Variants in CRACR2A observed in about 807,000 individuals in gnomAD.
CRACR2A encodes the protein EF-hand calcium-binding domain-containing protein 4B.
Under a neutral mutation model 90.5 loss-of-function variants are expected in CRACR2A, and 79 were observed. The observed-to-expected ratio is 0.87, with a 90% CI of 0.73 to 1.05. CRACR2A has a LOEUF of 1.05. Among genes scored for constraint, CRACR2A ranks in the 50% least tolerant of loss-of-function variants. CRACR2A has a pLI of 0.00. For missense variants in CRACR2A, 823 were observed against 897.2 expected, an observed-to-expected ratio of 0.92 and a Z score of 1.06; for synonymous variants, 338 against 356.7, an observed-to-expected ratio of 0.95 and a Z score of 0.59.
At chr12:3,628,707 A>C (rs1158421832) in intron 15 of CRACR2A, among the ~76,000 whole-genome samples, 2 of 152,164 alleles carry the variant, frequency 1.3e-5, no homozygotes, top group African/African-American at 4.8e-5. Flanking sequence ...CCCCACCACC[A>C]CCATAAGTTC....
intron 2 of CRACR2A, among the ~76,000 whole-genome samples, chr12:3,722,979 G>A (rs542334232): frequency 2.0e-5 from 3 of 152,304 alleles, no homozygotes; most frequent in South Asian, 2.1e-4. Flanking sequence ...TGATTGGGCT[G>A]GACAAGATGA....
chr12:3,678,308 T>A (rs1353883426), intron 6 of CRACR2A, among the ~76,000 whole-genome samples: 1 of 152,204 alleles, frequency 6.6e-6, no homozygotes, highest in Non-Finnish European at 1.5e-5. Context: ...TTGTTTGAGA[T>A]CTCAGCCATC....
At chr12:3,739,923 T>G in intron 1 of CRACR2A, among the ~76,000 whole-genome samples, 1 of 100,066 alleles carries the variant, frequency 1.0e-5, no homozygotes, top group African/African-American at 4.0e-5. Context: ...ACAGAGCGAC[T>G]CCGTCTCAAA....
At chr12:3,734,472 A>G (rs536812974) in intron 1 of CRACR2A, among the ~76,000 whole-genome samples, 54 of 152,184 alleles carry the variant, frequency 3.5e-4, no homozygotes, top group African/African-American at 1.3e-3. Context: ...CAACAATCCC[A>G]CTTCTAGGTA....
intron 2 of CRACR2A, among the ~76,000 whole-genome samples, chr12:3,718,885 G>A (rs1013274256): frequency 1.3e-5 from 2 of 152,166 alleles, no homozygotes; most frequent in Admixed American, 6.5e-5. Context: ...GTGTGAGGCT[G>A]GAGGAGAGTT....
At chr12:3,621,677 A>AAAAAAAAAAAAAAAAAAAAAAAAG (rs1944141576) in intron 17 of CRACR2A, among the ~76,000 whole-genome samples, 1 of 143,824 alleles carries the variant, frequency 7.0e-6, no homozygotes, top group Non-Finnish European at 1.5e-5. Flanking sequence ...AAAAAAAAAA[A>AAAAAAAAAAAAAAAAAAAAAAAAG]AAAACCAAAG....
intron 4 of CRACR2A, among the ~76,000 whole-genome samples, chr12:3,687,193 T>C (rs913246750): frequency 1.3e-5 from 2 of 152,138 alleles, no homozygotes; most frequent in Non-Finnish European, 2.9e-5. Context: ...TTTTCTTTTT[T>C]TTTTTTTTTA....
intron 1 of CRACR2A, among the ~76,000 whole-genome samples, chr12:3,752,207 A>C (rs2137946548): frequency 6.6e-6 from 1 of 152,304 alleles, no homozygotes; most frequent in East Asian, 1.9e-4. Context: ...CCACAGAGCC[A>C]AACAGGGCAG....
intron 2 of CRACR2A, chr12:3,731,226 G>C (rs1378632855): frequency 6.6e-6 from 1 of 152,382 alleles, no homozygotes; most frequent in Non-Finnish European, 1.5e-5. Context: ...AGCCTCTCTG[G>C]AAGAGACTGC....
At chr12:3,645,511 G>A (rs963310189) in intron 11 of CRACR2A, among the ~76,000 whole-genome samples, 12 of 152,160 alleles carry the variant, frequency 7.9e-5, no homozygotes, top group African/African-American at 2.9e-4. Flanking sequence ...GGGGCTGGGG[G>A]TGGTGGGGGT....
At chr12:3,618,217 C>T (rs1867733218) in intron 18 of CRACR2A, among the ~76,000 whole-genome samples, 1 of 151,422 alleles carries the variant, frequency 6.6e-6, no homozygotes, top group Non-Finnish European at 1.5e-5. Context: ...TCTTTGGGTC[C>T]AGGTATATTT....
At chr12:3,622,502 A>T (rs1565460673) in intron 17 of CRACR2A, among the ~76,000 whole-genome samples, 1 of 152,204 alleles carries the variant, frequency 6.6e-6, no homozygotes. Flanking sequence ...TGGAAGACAG[A>T]CTTGTTGAAA....
At chr12:3,736,015 C>T (rs1350096455) in intron 1 of CRACR2A, among the ~76,000 whole-genome samples, 2 of 152,054 alleles carry the variant, frequency 1.3e-5, no homozygotes, top group African/African-American at 2.4e-5. Context: ...AGAAGCCCAT[C>T]AGGAGGGTGG....
intron 3 of CRACR2A, among the ~76,000 whole-genome samples, chr12:3,709,018 G>A (rs991636383): frequency 1.3e-5 from 2 of 152,108 alleles, no homozygotes; most frequent in African/African-American, 4.8e-5. Flanking sequence ...CTCCAGCTAC[G>A]TGGAAGGCAC....
intron 4 of CRACR2A, among the ~76,000 whole-genome samples, chr12:3,684,664 G>A (rs1300554780): frequency 6.6e-5 from 10 of 152,336 alleles, no homozygotes; most frequent in South Asian, 4.1e-4. Context: ...GAGTGCAGGC[G>A]TATAATTCCA....
At position 3,690,915 on chromosome 12, in the gene CRACR2A, G is replaced by A. The variant is rs954248916; in HGVS notation, c.228+5857C>T. Among the ~76,000 whole-genome samples the A allele has an allele frequency of 2.6e-5, 4 of 152,254 alleles. No individual in the cohort carries two copies. In the East Asian group the frequency reaches 7.7e-4, roughly 29 times the overall value. On this transcript the variant is annotated intron_variant, in intron 4 of 19. Transcript: ENST00000440314. ...ATTGAATCCTTTACCATTATGTAAT[G>A]CCCTTCTTTGTCTTTCTTGGTTTAA...
intron 1 of CRACR2A, among the ~76,000 whole-genome samples, chr12:3,751,576 C>T (rs1265365741): frequency 6.6e-6 from 1 of 152,210 alleles, no homozygotes; most frequent in East Asian, 1.9e-4. Flanking sequence ...ACTCCTTGCT[C>T]CTCAGGTACA....
chr12:3,622,786 CA>C (rs1185170192), intron 17 of CRACR2A, among the ~76,000 whole-genome samples: 1 of 152,158 alleles, frequency 6.6e-6, no homozygotes, highest in Non-Finnish European at 1.5e-5. Context: ...AAAATGCCTG[CA>C]AAATTATATC....
chr12:3,703,849 A>T (rs1945873440), intron 3 of CRACR2A, among the ~76,000 whole-genome samples: 2 of 152,218 alleles, frequency 1.3e-5, no homozygotes, highest in Non-Finnish European at 2.9e-5. Context: ...CTTATAAGAG[A>T]CATGCAACTG....
Sources: allele counts gnomAD v4.1 joint callset (sites outside exome capture counted in the v4.1 genomes callset), GRCh38; gene constraint gnomAD v4.1.1; transcripts MANE v1.5; gene names NCBI Gene and HGNC (gene_info 2026-07-23, HGNC 2026-07-21).